Variants in DDX3X observed in about 807,000 individuals in gnomAD.
The protein encoded by DDX3X is ATP-dependent RNA helicase DDX3X.
In DDX3X, 4 loss-of-function variants were observed where a neutral mutation model predicts 52.7. That is an observed-to-expected ratio of 0.08 (90% CI 0.04 to 0.17). The LOEUF (loss-of-function observed/expected upper bound fraction) is 0.17, where lower values mean the gene tolerates loss of function less well. DDX3X is among the 10% of genes least tolerant of loss of function. The pLI, the probability that DDX3X is intolerant of heterozygous loss-of-function variation, is 1.00. For missense variants in DDX3X, 222 were observed against 548.6 expected, an observed-to-expected ratio of 0.40 and a Z score of 5.95; for synonymous variants, 192 against 178.1, an observed-to-expected ratio of 1.08 and a Z score of -0.62.
In DDX3X at chrX:41,343,272, T is replaced by C. The variant is rs777274761; in HGVS notation, c.600T>C (p.Tyr200=). The C allele has an allele frequency of 1.8e-5, 22 of 1,205,907 alleles. No individual in the cohort carries two copies. The highest frequency in any genetic ancestry group is 2.3e-4 in the Middle Eastern group (1 of 4,362). Reference sequence around the variant, plus strand: ...TGGGAAACATTGAGCTTACTCGTTATACTCGCCCAACTCCAGTGCAAAAGC... The same window carrying C: ...TGGGAAACATTGAGCTTACTCGTTACACTCGCCCAACTCCAGTGCAAAAGC... The part of the protein sequence containing the change: ...IIMGNIELTR[Y]TRPTPVQKHA... Residue 200 remains tyrosine (Y), a synonymous_variant, in exon 7 of 17, where the codon TAT becomes TAC. Coordinates refer to ENST00000644876, the MANE Select transcript of DDX3X (RefSeq NM_001356.5).
chrX:41,339,635 ATATG>A (rs1362941141), intron 3 of DDX3X: 1 of 112,066 alleles, frequency 8.9e-6, no homozygotes, highest in Admixed American at 9.6e-5. Context: ...GACAGCTAGT[ATATG>A]TTTCATATTA....
In DDX3X at chrX:41,347,742, C is replaced by T. The variant is rs772742027; in HGVS notation, c.*23C>T. On this transcript the variant is annotated 3_prime_UTR_variant, in exon 17 of 17. Coordinates refer to ENST00000644876, the MANE Select transcript of DDX3X (RefSeq NM_001356.5). ...TGAGCCTGCTTTGCAGTAGGTCACCCTGCCAAACAAGCTAATATGGAAACC... is the reference window on the plus strand; with the variant it reads ...TGAGCCTGCTTTGCAGTAGGTCACCTTGCCAAACAAGCTAATATGGAAACC... 4.7e-6 allele frequency: 5 copies of T among 1,064,911 alleles called. No individual in the cohort carries two copies. The highest frequency in any genetic ancestry group is 2.0e-5 in the South Asian group (1 of 50,627). 87.8% of individuals were successfully genotyped at this position (1,064,911 alleles called of 1,213,427 possible).
intron 5 of DDX3X, among the ~76,000 whole-genome samples, chrX:41,356,193 G>A (rs2064008235): frequency 1.0e-5 from 1 of 97,753 alleles, no homozygotes; most frequent in South Asian, 4.9e-4. Context: ...AGGCTGAAGT[G>A]CAGTGGTGTG....
downstream of DDX3X, among the ~76,000 whole-genome samples, chrX:41,352,225 G>C (rs1443904684): frequency 9.0e-6 from 1 of 111,512 alleles, no homozygotes; most frequent in Non-Finnish European, 1.9e-5. Flanking sequence ...TCAGTACTGT[G>C]ACATATCTAT....
chrX:41,345,688 G>A, intron 12 of DDX3X, 140 bp downstream of exon 12: 1 of 561,594 alleles, frequency 1.8e-6, no homozygotes, highest in Non-Finnish European at 2.7e-6. Flanking sequence ...TCTGACCTGG[G>A]CCTGTTCACC....
intron 1 of DDX3X, chrX:41,336,354 C>T (rs938761724): frequency 8.9e-6 from 1 of 111,749 alleles, no homozygotes; most frequent in East Asian, 2.8e-4. Flanking sequence ...TTTGAGCTAC[C>T]AGTGTAAGGG....
At position 41,346,861 on chromosome X, in the gene DDX3X, C is replaced by T. The variant is rs774315989; in HGVS notation, c.1618C>T (p.Leu540=). The T allele has an allele frequency of 4.1e-6, 5 of 1,205,610 alleles. No individual in the cohort carries two copies. In the South Asian group the frequency reaches 7.1e-5, roughly 17 times the overall value. The change falls in exon 15 of 17, where the codon CTG becomes TTG. Residue 540 remains leucine, a splice_region_variant and synonymous_variant. Transcript: ENST00000644876. ...GRTGRVGNLG[L]ATSFFNERNI... is the part of the protein sequence containing the mutation. ...TACTTTTTTGGGAACTCTTTTAGGC[C>T]TGGCAACCTCATTCTTTAACGAGAG... is the stretch of plus-strand genomic sequence containing the variant.
chrX:41,357,935 C>T (rs1177030894), intron 5 of DDX3X: 1 of 294,032 alleles, frequency 3.4e-6, no homozygotes, highest in Non-Finnish European at 5.9e-6. Flanking sequence ...TCATGGCAGC[C>T]TTAGGTATTT....
At chrX:41,362,866 G>A (rs753051572) in intron 5 of DDX3X, among the ~76,000 whole-genome samples, 6 of 111,290 alleles carry the variant, frequency 5.4e-5, no homozygotes, top group Non-Finnish European at 3.8e-5. Flanking sequence ...TACATGTAGC[G>A]CACTCCAGGT....
Position 41,346,148 on chromosome X carries a change from A to G in DDX3X, c.1316-81A>G, listed in dbSNP as rs879117093. On this transcript the variant is annotated intron_variant, in intron 12 of 16. Coordinates refer to ENST00000644876, the MANE Select transcript of DDX3X (RefSeq NM_001356.5). ...AGAAGATATATATGTATTTTAATTGACACATTAAAATTGTGCATACATAAG... is the reference window on the plus strand; with the variant it reads ...AGAAGATATATATGTATTTTAATTGGCACATTAAAATTGTGCATACATAAG... 11 of 832,299 alleles carry G rather than the reference A, an allele frequency of 1.3e-5. No homozygotes were observed. In the South Asian group the frequency reaches 2.9e-4, roughly 22 times the overall value. The allele number at this position is 832,299 out of a possible 1,213,427, so 68.6% of individuals were successfully genotyped here.
intron 2 of DDX3X, chrX:41,338,516 C>T (rs1250819337): frequency 1.8e-5 from 2 of 112,023 alleles, no homozygotes; most frequent in Non-Finnish European, 3.8e-5. Flanking sequence ...GAGCAACTGT[C>T]AACTTTCCTT....
At chrX:41,343,191 C>T in intron 6 of DDX3X, 25 bp from the exon 7 acceptor site, 1 of 1,200,672 alleles carries the variant, frequency 8.3e-7, no homozygotes, top group Non-Finnish European at 1.1e-6. Flanking sequence ...GATAGCATTC[C>T]TAACCCCATT....
chrX:41,362,333 C>T (rs2064033020), intron 5 of DDX3X, among the ~76,000 whole-genome samples: 2 of 110,627 alleles, frequency 1.8e-5, no homozygotes, highest in Non-Finnish European at 3.8e-5. Flanking sequence ...AGGTAATCTG[C>T]CCGCCTTGGC....
chrX:41,347,302 T>C lies in DDX3X; in HGVS notation c.1770-10T>C. ...TCTTCATGTGAACCAACATAATTTT[T>C]TTCTTATAGTAGCAGATTTAGTGGA... On this transcript the variant is annotated splice_polypyrimidine_tract_variant and intron_variant, in intron 15 of 16. Coordinates refer to ENST00000644876, the MANE Select transcript of DDX3X (RefSeq NM_001356.5). 1 of 1,197,948 alleles carries C rather than the reference T, an allele frequency of 8.3e-7. No individual in the cohort carries two copies. Among genetic ancestry groups the C allele is most frequent in the South Asian group, 1.8e-5 (1 of 55,671 alleles).
At chrX:41,335,512 G>A (rs1426239523) in intron 1 of DDX3X, 3 of 111,076 alleles carry the variant, frequency 2.7e-5, no homozygotes, top group Non-Finnish European at 5.7e-5. Context: ...GTGGCAGGAA[G>A]TCTGCATCCC....
At chrX:41,344,550 G>A in intron 10 of DDX3X, 151 bp downstream of exon 10, 1 of 641,912 alleles carries the variant, frequency 1.6e-6, no homozygotes, top group Non-Finnish European at 2.5e-6. Flanking sequence ...CGATTCTCCT[G>A]CCTCAGCCTC....
chrX:41,339,663 C>T (rs1039678866), intron 3 of DDX3X: 2 of 111,286 alleles, frequency 1.8e-5, no homozygotes, highest in Admixed American at 9.6e-5. Context: ...GACAGCTGTT[C>T]GGGTGCTTTA....
chrX:41,350,724 C>T (rs970947391), downstream of DDX3X: 2 of 111,360 alleles, frequency 1.8e-5, no homozygotes, highest in African/African-American at 6.5e-5. Context: ...CCCACGAGTT[C>T]AAGTCCAGCC....
chrX:41,342,407 T>TA (rs1470488433), intron 4 of DDX3X, 88 bp from the exon 5 acceptor site: 1 of 1,035,836 alleles, frequency 9.7e-7, no homozygotes, highest in African/African-American at 1.9e-5. Context: ...AGCCATAACT[T>TA]AAGTCTCCAG....
Sources: allele counts gnomAD v4.1 joint callset (sites outside exome capture counted in the v4.1 genomes callset), GRCh38; gene constraint gnomAD v4.1.1; transcripts MANE v1.5; gene names NCBI Gene and HGNC (gene_info 2026-07-23, HGNC 2026-07-21).